MSH3: variants seen among roughly 807,000 people sequenced by gnomAD.
The protein encoded by MSH3 is mutS homolog 3, also known as DNA mismatch repair protein Msh3.
In MSH3, 106 loss-of-function variants were observed where a neutral mutation model predicts 123.3. The observed-to-expected ratio is 0.86, with a 90% CI of 0.73 to 1.01. The LOEUF (loss-of-function observed/expected upper bound fraction) is 1.01, where lower values mean the gene tolerates loss of function less well. MSH3 is among the 50% of genes least tolerant of loss of function. MSH3 has a pLI of 0.00. For missense variants in MSH3, 1,459 were observed against 1,347.6 expected, an observed-to-expected ratio of 1.08 and a Z score of -1.29; for synonymous variants, 515 against 481.4, an observed-to-expected ratio of 1.07 and a Z score of -0.91.
At chr5:80,783,734 T>A (rs1268251457) in intron 17 of MSH3, among the ~76,000 whole-genome samples, 2 of 151,996 alleles carry the variant, frequency 1.3e-5, no homozygotes, top group African/African-American at 2.4e-5. Flanking sequence ...GAGAAAAAAA[T>A]TGACCATTTG....
At position 80,813,882 on chromosome 5, in the gene MSH3, C is replaced by T. The variant is rs6151878; in HGVS notation, c.2813+141C>T. On this transcript the variant is annotated intron_variant, in intron 20 of 23. Transcript: ENST00000265081. ...GAGCTTAAATAAATTATTTCAAGGC[C>T]GGGCACGGTGGCTCACACCTGTGAT... The T allele has an allele frequency of 5.8e-4, 557 of 952,224 alleles. 3 individuals carry two copies. The African/African-American group carries it at 8.1e-3, about 14-fold the overall frequency. 59.0% of individuals were successfully genotyped at this position (952,224 alleles called of 1,614,324 possible).
intron 12 of MSH3, among the ~76,000 whole-genome samples, chr5:80,744,895 A>G (rs545432528): frequency 6.9e-6 from 1 of 145,044 alleles, no homozygotes; most frequent in South Asian, 2.2e-4. Flanking sequence ...TAGACTGAGG[A>G]GTTGATAGCC....
chr5:80,863,438 A>C (rs922757623), intron 21 of MSH3, among the ~76,000 whole-genome samples: 1 of 152,164 alleles, frequency 6.6e-6, no homozygotes, highest in African/African-American at 2.4e-5. Flanking sequence ...TGGGAGGCCA[A>C]GGTGGGTGGA....
At chr5:80,691,924 TATAG>T (rs1414067257) in intron 8 of MSH3, among the ~76,000 whole-genome samples, 1 of 130,728 alleles carries the variant, frequency 7.6e-6, no homozygotes, top group Non-Finnish European at 1.6e-5. Flanking sequence ...TATATGTTTA[TATAG>T]ATAAACATGT....
chr5:80,784,236 AAAAGGG>A (rs1744462639), intron 17 of MSH3, among the ~76,000 whole-genome samples: 1 of 129,124 alleles, frequency 7.7e-6, no homozygotes, highest in African/African-American at 3.9e-5. Flanking sequence ...AAAAAAAAAA[AAAAGGG>A]AAATAAATAA....
chr5:80,664,987 C>G (rs755933532), intron 2 of MSH3, among the ~76,000 whole-genome samples, 156 bp from the exon 3 acceptor site: 1 of 152,064 alleles, frequency 6.6e-6, no homozygotes, highest in Non-Finnish European at 1.5e-5. Flanking sequence ...TACCCTGAAC[C>G]CAGTGTTTCT....
intron 8 of MSH3, among the ~76,000 whole-genome samples, chr5:80,718,331 T>C (rs929570277): frequency 4.6e-5 from 7 of 152,222 alleles, no homozygotes; most frequent in Non-Finnish European, 1.0e-4. Flanking sequence ...GTTGCGCAGG[T>C]GAGTTGGGAA....
At chr5:80,803,843 T>G (rs1246494066) in intron 19 of MSH3, among the ~76,000 whole-genome samples, 1 of 152,198 alleles carries the variant, frequency 6.6e-6, no homozygotes, top group Non-Finnish European at 1.5e-5. Context: ...TCTTGGCACC[T>G]TTGTCAAAAA....
chr5:80,745,031 G>A (rs1743689841), intron 12 of MSH3, among the ~76,000 whole-genome samples: 1 of 152,180 alleles, frequency 6.6e-6, no homozygotes, highest in Admixed American at 6.5e-5. Context: ...GAGGTGCCCA[G>A]GACCTGAGCT....
chr5:80,865,845 C>T (rs1217478507), intron 22 of MSH3, among the ~76,000 whole-genome samples: 1 of 152,180 alleles, frequency 6.6e-6, no homozygotes, highest in East Asian at 1.9e-4. Flanking sequence ...CCAAATAAAA[C>T]AAAGCACTGG....
At chr5:80,797,762 G>A (rs947285595) in intron 19 of MSH3, among the ~76,000 whole-genome samples, 6 of 152,148 alleles carry the variant, frequency 3.9e-5, no homozygotes, top group Admixed American at 1.3e-4. Context: ...GAAGGAAGAG[G>A]TTGCTCAGAG....
At chr5:80,665,500 GT>G in intron 3 of MSH3, 137 bp downstream of exon 3, 2 of 695,034 alleles carry the variant, frequency 2.9e-6, no homozygotes, top group Admixed American at 2.5e-5. Flanking sequence ...GAGCTTTTGT[GT>G]TTTAGTTTAG....
At chr5:80,688,666 A>G (rs1445352767) in intron 8 of MSH3, among the ~76,000 whole-genome samples, 3 of 151,904 alleles carry the variant, frequency 2.0e-5, no homozygotes, top group Non-Finnish European at 3.0e-5. Flanking sequence ...TTGTTATGCA[A>G]ATTAGGTATC....
intron 13 of MSH3, among the ~76,000 whole-genome samples, chr5:80,765,495 C>G (rs758925133): frequency 6.6e-6 from 1 of 152,120 alleles, no homozygotes; most frequent in Non-Finnish European, 1.5e-5. Flanking sequence ...ATAATTCACC[C>G]TTTGTGGTTA....
At chr5:80,839,668 A>G (rs918395533) in intron 20 of MSH3, among the ~76,000 whole-genome samples, 5 of 152,232 alleles carry the variant, frequency 3.3e-5, no homozygotes, top group Non-Finnish European at 5.9e-5. Context: ...CATGACCATA[A>G]TCCTCCTACC....
intron 21 of MSH3, among the ~76,000 whole-genome samples, chr5:80,861,999 CT>C (rs1391505850): frequency 1.3e-5 from 2 of 152,050 alleles, no homozygotes; most frequent in African/African-American, 4.8e-5. Flanking sequence ...CTTCCCTGAC[CT>C]TTTTATGGAT....
chr5:80,738,838 G>C (rs1008702733), intron 10 of MSH3, among the ~76,000 whole-genome samples: 1 of 152,132 alleles, frequency 6.6e-6, no homozygotes, highest in Non-Finnish European at 1.5e-5. Context: ...TAAGTGATTA[G>C]GTTATGAGGG....
At chr5:80,786,288 C>T (rs962595407) in intron 17 of MSH3, among the ~76,000 whole-genome samples, 6 of 152,114 alleles carry the variant, frequency 3.9e-5, no homozygotes, top group African/African-American at 1.2e-4. Flanking sequence ...AGGAAGAGCA[C>T]AGTTTGAGTC....
chr5:80,722,123 G>GT (rs1309302147), intron 8 of MSH3, among the ~76,000 whole-genome samples: 1 of 152,150 alleles, frequency 6.6e-6, no homozygotes, highest in Non-Finnish European at 1.5e-5. Flanking sequence ...AGGTAATAAA[G>GT]TTTCACTATT....
Sources: allele counts gnomAD v4.1 joint callset (sites outside exome capture counted in the v4.1 genomes callset), GRCh38; gene constraint gnomAD v4.1.1; transcripts MANE v1.5; gene names NCBI Gene and HGNC (gene_info 2026-07-23, HGNC 2026-07-21).